The following SMC1A variants were observed in gnomAD, a reference collection of about 807,000 sequenced individuals.
SMC1A encodes the protein structural maintenance of chromosomes protein 1A.
Under a neutral mutation model 94.5 loss-of-function variants are expected in SMC1A, and 4 were observed. The ratio of observed to expected loss-of-function variants is 0.04; its 90% CI spans 0.02 to 0.10. The LOEUF is 0.10. SMC1A is among the 10% of genes least tolerant of loss of function. The pLI, the probability that SMC1A is intolerant of heterozygous loss-of-function variation, is 1.00. For synonymous variants in SMC1A, 345 were observed against 347.7 expected, an observed-to-expected ratio of 0.99 and a Z score of 0.09; for missense variants, 304 against 989.0, an observed-to-expected ratio of 0.31 and a Z score of 9.29.
At chrX:53,420,303 C>T (rs2075749569) in intron 1 of SMC1A, among the ~76,000 whole-genome samples, 3 of 111,356 alleles carry the variant, frequency 2.7e-5, no homozygotes, top group South Asian at 7.4e-4. Flanking sequence ...GCAGGCAGAT[C>T]ACTTGAGCCC....
Position 53,396,504 on chromosome X carries a change from C to T in SMC1A, c.2676G>A (p.Glu892=). ...SEVNDKNHEM[E]EIRKKLGGAN... is the part of the protein sequence containing the mutation. The stretch of plus-strand genomic sequence containing the variant: ...CGCCCCCGAGTTTCTTACGAATCTC[C>T]TCCATCTCATGATTCTTGTCATTCA... The change falls in exon 17 of 25, where the codon GAG becomes GAA. Residue 892 remains glutamate, a synonymous_variant. Transcript: ENST00000322213. 8.3e-7 allele frequency: 1 copy of T among 1,211,362 alleles called. No homozygotes were observed. The highest frequency in any genetic ancestry group is 1.1e-6 in the Non-Finnish European group (1 of 895,431).
chrX:53,397,580 C>CA lies in SMC1A; in HGVS notation c.2563-964dup, dbSNP rs11302688. Among the ~76,000 whole-genome samples, 45 of 101,115 alleles carry CA rather than the reference C, an allele frequency of 4.5e-4. No individual in the cohort carries two copies. The South Asian group carries it at 4.9e-3, about 11-fold the overall frequency. 87.8% of individuals were successfully genotyped at this position (101,115 alleles called of 115,157 possible). A position where few individuals can be genotyped will look rare whatever the true frequency, so the allele number is the denominator to read the frequency against. On this transcript the variant is annotated intron_variant, in intron 16 of 24. Transcript: ENST00000322213. ...AGGGCGACAGGGCGAGACCTTGTCT[C>CA]AAAAAAAAAAATAATAATCACATAA... is the stretch of plus-strand genomic sequence containing the variant.
At chrX:53,414,067 C>A in intron 3 of SMC1A, among the ~76,000 whole-genome samples, 1 of 53,876 alleles carries the variant, frequency 1.9e-5, no homozygotes, top group Admixed American at 2.9e-4. Flanking sequence ...ACAAGCGAAA[C>A]TCCGTCTCAA....
Position 53,396,551 on chromosome X carries a change from G to A in SMC1A, c.2629C>T (p.His877Tyr), listed in dbSNP as rs782719220. 8 of 1,209,916 alleles carry A rather than the reference G, an allele frequency of 6.6e-6. No homozygotes were observed. Among genetic ancestry groups the A allele is most frequent in the Non-Finnish European group, 8.9e-6 (8 of 894,437 alleles). The part of the protein sequence containing the change: ...MAQLQDLKNQ[H>Y]LAKKSEVNDK... ...TTCACTTCCGACTTCTTGGCCAGATGCTGATTCTTCAGGTCTTGTAGCTGA... is the reference window on the plus strand; with the variant it reads ...TTCACTTCCGACTTCTTGGCCAGATACTGATTCTTCAGGTCTTGTAGCTGA... Residue 877 changes from histidine (H) to tyrosine (Y), a missense_variant, in exon 17 of 25, where the codon CAT becomes TAT. Physicochemically the swap from His to Tyr is moderately conservative, Grantham distance 83 (BLOSUM62 2). Around this residue, in one of 11 missense-constraint regions of SMC1A, gnomAD observed 35 missense variants for 95.4 expected, o/e 0.37. Coordinates refer to ENST00000322213, the MANE Select transcript of SMC1A (RefSeq NM_006306.4).
At position 53,396,535 on chromosome X, in the gene SMC1A, G is replaced by A. The variant is rs376589639; in HGVS notation, c.2645C>T (p.Ser882Leu). The change falls in exon 17 of 25, where the codon TCG (serine) becomes TTG (leucine). Residue 882 changes from serine to leucine, a missense_variant. Around this residue, in one of 11 missense-constraint regions of SMC1A, gnomAD observed 35 missense variants for 95.4 expected, o/e 0.37. Transcript: ENST00000322213. ...CTCATGATTCTTGTCATTCACTTCC[G>A]ACTTCTTGGCCAGATGCTGATTCTT... ...DLKNQHLAKK[S>L]EVNDKNHEME... 7.4e-6 allele frequency: 9 copies of A among 1,210,105 alleles called. No individual in the cohort carries two copies. The highest frequency in any genetic ancestry group is 5.2e-5 in the African/African-American group (3 of 57,494).
chrX:53,406,162 G>A (rs2075690381), intron 9 of SMC1A, among the ~76,000 whole-genome samples: 1 of 111,288 alleles, frequency 9.0e-6, no homozygotes, highest in Non-Finnish European at 1.9e-5. Context: ...TGCAATGGGA[G>A]GACAGCTTAA....
intron 1 of SMC1A, among the ~76,000 whole-genome samples, chrX:53,418,492 T>G (rs1556891584): frequency 8.9e-6 from 1 of 112,411 alleles, no homozygotes; most frequent in African/African-American, 3.2e-5. Context: ...TGGAGTGCAG[T>G]AGCAGTATCA....
chrX:53,412,362 T>A lies in SMC1A; in HGVS notation c.855-109A>T, dbSNP rs1602413112. The A allele has an allele frequency of 1.5e-5, 12 of 803,614 alleles. No homozygotes were observed. In the East Asian group the frequency reaches 3.8e-4, roughly 25 times the overall value. 66.2% of individuals were successfully genotyped at this position (803,614 alleles called of 1,213,427 possible). On this transcript the variant is annotated intron_variant, in intron 5 of 24. Transcript: ENST00000322213. Reference sequence around the variant, plus strand: ...AGCCCCTGAGCCAACCTCAGGGAATTACTTAAAAGAACATGGGCGTAATGC... The same window carrying A: ...AGCCCCTGAGCCAACCTCAGGGAATAACTTAAAAGAACATGGGCGTAATGC...
chrX:53,382,749 G>T, intron 20 of SMC1A, 89 bp from the exon 21 acceptor site: 2 of 1,071,002 alleles, frequency 1.9e-6, no homozygotes, highest in Non-Finnish European at 2.6e-6. Flanking sequence ...CCCACTGAGA[G>T]AGAGGAATGC....
chrX:53,406,263 A>C (rs1173062037), intron 9 of SMC1A, among the ~76,000 whole-genome samples: 11 of 111,375 alleles, frequency 9.9e-5, no homozygotes, highest in African/African-American at 3.6e-4. Flanking sequence ...GTACCCATGC[A>C]ACCCTACCCT....
rs2075579188 is a variant in SMC1A, at chrX:53,380,747, C to G, written c.3508-17G>C. On this transcript the variant is annotated splice_polypyrimidine_tract_variant and intron_variant, in intron 23 of 24. Transcript: ENST00000322213. ...ATTTGCCACCTGTGGGAAAGGCCGC[C>G]AGGCACTTAGCAAGGCTCAAACCTT... 1 of 1,109,333 alleles carries G rather than the reference C, an allele frequency of 9.0e-7. No individual in the cohort carries two copies. Among genetic ancestry groups the G allele is most frequent in the African/African-American group, 1.8e-5 (1 of 55,421 alleles). 91.4% of individuals were successfully genotyped at this position (1,109,333 alleles called of 1,213,427 possible). A position where few individuals can be genotyped will look rare whatever the true frequency, so the allele number is the denominator to read the frequency against.
chrX:53,421,875 G>A (rs782020926), intron 1 of SMC1A: 22 of 1,186,095 alleles, frequency 1.9e-5, no homozygotes, highest in African/African-American at 9.0e-5. Context: ...GTAGGAAAAG[G>A]GCGAGTTCGA....
chrX:53,376,711 A>G lies in SMC1A; in HGVS notation c.*3392T>C, dbSNP rs2075561045. 9.0e-6 allele frequency: 1 copy of G among 111,588 alleles called. No homozygotes were observed. The highest frequency in any genetic ancestry group is 1.9e-5 in the Non-Finnish European group (1 of 53,118). 9.2% of individuals were successfully genotyped at this position (111,588 alleles called of 1,213,427 possible). ...AGACTCAGTTCAGGTATCACCACCT[A>G]GACTACAGGATGCCTTCTCTGAATC... On this transcript the variant is annotated 3_prime_UTR_variant, in exon 25 of 25. Transcript: ENST00000322213.
chrX:53,391,800 T>A (rs1301213172), intron 19 of SMC1A, among the ~76,000 whole-genome samples: 1 of 111,823 alleles, frequency 8.9e-6, no homozygotes, highest in African/African-American at 3.3e-5. Context: ...TTATTTATTT[T>A]TTTATTTTTT....
intron 9 of SMC1A, among the ~76,000 whole-genome samples, chrX:53,407,097 G>C (rs1027701817): frequency 8.9e-6 from 1 of 112,136 alleles, no homozygotes; most frequent in Non-Finnish European, 1.9e-5. Context: ...TCTTCTACCC[G>C]TGAGTTCCTG....
intron 13 of SMC1A, 75 bp downstream of exon 13, chrX:53,404,936 TC>T (rs1189630358): frequency 3.6e-6 from 4 of 1,109,036 alleles, no homozygotes; most frequent in Non-Finnish European, 4.8e-6. Flanking sequence ...TGAAACAAGT[TC>T]CCCACCCCCA....
chrX:53,380,287 AC>A, intron 24 of SMC1A, 101 bp from the exon 25 acceptor site: 1 of 595,751 alleles, frequency 1.7e-6, no homozygotes, highest in Non-Finnish European at 2.8e-6. Context: ...CTCCCTACAT[AC>A]CTGCCCAAAG....
At chrX:53,384,966 T>C (rs1271959925) in intron 19 of SMC1A, among the ~76,000 whole-genome samples, 2 of 109,263 alleles carry the variant, frequency 1.8e-5, no homozygotes, top group Non-Finnish European at 3.8e-5. Flanking sequence ...AGTAATCAAC[T>C]TCAATAAACT....
rs1419473220 is a variant in SMC1A, at chrX:53,422,373, C to T, written c.109+119G>A. ...TCGAGCAGAACCCCCTCTGGACGGG[C>T]AAGGAACCCGTAAGGGTCCGCGACG... On this transcript the variant is annotated intron_variant, in intron 1 of 24. Transcript: ENST00000322213. 9.1e-6 allele frequency: 5 copies of T among 550,354 alleles called. No homozygotes were observed. In the African/African-American group the frequency reaches 1.1e-4, roughly 12 times the overall value. The allele number at this position is 550,354 out of a possible 1,213,427, so 45.4% of individuals were successfully genotyped here.
Sources: allele counts gnomAD v4.1 joint callset (sites outside exome capture counted in the v4.1 genomes callset), GRCh38; gene constraint gnomAD v4.1.1; regional missense constraint gnomAD v4.1.1; transcripts MANE v1.5; gene names NCBI Gene and HGNC (gene_info 2026-07-23, HGNC 2026-07-21).